The following MGA variants were observed in gnomAD, a reference collection of about 807,000 sequenced individuals.
MGA encodes the protein MAX gene-associated protein.
MGA carries 40 observed loss-of-function variants against 261.1 expected under a neutral mutation model. That is an observed-to-expected ratio of 0.15 (90% confidence interval 0.12 to 0.20). The LOEUF (loss-of-function observed/expected upper bound fraction) is 0.20, where lower values mean the gene tolerates loss of function less well. Ranked by LOEUF, MGA falls within the 10% of genes least tolerant of loss-of-function variation. The pLI is 1.00. For missense variants in MGA, 3,397 were observed against 3,630.5 expected, an observed-to-expected ratio of 0.94 and a Z score of 1.65; for synonymous variants, 1,302 against 1,290.6, an observed-to-expected ratio of 1.01 and a Z score of -0.19.
intron 8 of MGA, 76 bp from the exon 9 acceptor site, chr15:41,713,075 C>G: frequency 6.5e-7 from 1 of 1,548,172 alleles, no homozygotes; most frequent in South Asian, 1.2e-5. Flanking sequence ...GTAATGCAGT[C>G]CAGTATATGA....
chr15:41,674,816 C>T (rs2058289803), intron 2 of MGA, among the ~76,000 whole-genome samples: 1 of 152,234 alleles, frequency 6.6e-6, no homozygotes, highest in Non-Finnish European at 1.5e-5. Flanking sequence ...CGGCGCCCGG[C>T]CAATAGTGAA....
At chr15:41,642,313 T>G (rs2056837637) in intron 1 of MGA, among the ~76,000 whole-genome samples, 1 of 148,620 alleles carries the variant, frequency 6.7e-6, no homozygotes, top group African/African-American at 2.4e-5. Flanking sequence ...TTTGTGGTGT[T>G]TTTTTTTTTT....
intron 2 of MGA, among the ~76,000 whole-genome samples, chr15:41,679,646 TTTTG>T: frequency 6.6e-6 from 1 of 152,252 alleles, no homozygotes; most frequent in East Asian, 1.9e-4. Flanking sequence ...TACAATTGAT[TTTTG>T]TGTGTTGAGT....
chr15:41,743,513 T>C lies in MGA; in HGVS notation c.5212+341T>C, dbSNP rs1023953524. 2.0e-5 allele frequency among the ~76,000 whole-genome samples: 3 copies of C among 152,274 alleles called. No homozygotes were observed. In the South Asian group the frequency reaches 6.2e-4, roughly 32 times the overall value. Reference sequence around the variant, plus strand: ...TGCGACTCAAAATACTAAAAAACATTACAATGGAAGTGGTGGCTGAAGGAT... The same window carrying C: ...TGCGACTCAAAATACTAAAAAACATCACAATGGAAGTGGTGGCTGAAGGAT... On this transcript the variant is annotated intron_variant, in intron 15 of 23. Coordinates refer to ENST00000219905, the MANE Select transcript of MGA (RefSeq NM_001164273.2).
rs1341303669 is a variant in MGA, at chr15:41,769,841, C to T, written c.*2561C>T. ...ATATATATCTTTCCTTTTCTGCTTT[C>T]GAAAAGTGACTATTTTTTTAGAAAT... is the stretch of plus-strand genomic sequence containing the variant. On this transcript the variant is annotated 3_prime_UTR_variant, in exon 24 of 24. Transcript: ENST00000219905. 2 of 152,330 alleles carry T rather than the reference C, an allele frequency of 1.3e-5. No homozygotes were observed. The highest frequency in any genetic ancestry group is 4.8e-5 in the African/African-American group (2 of 41,332). The allele number at this position is 152,330 out of a possible 1,614,324, so 9.4% of individuals were successfully genotyped here.
intron 2 of MGA, among the ~76,000 whole-genome samples, chr15:41,680,642 A>G (rs1038436624): frequency 2.0e-5 from 3 of 152,218 alleles, no homozygotes; most frequent in Admixed American, 6.5e-5. Flanking sequence ...TGTAAAGAAT[A>G]CAAGTTAGGA....
intron 11 of MGA, among the ~76,000 whole-genome samples, chr15:41,730,235 C>T (rs1242098449): frequency 5.3e-5 from 8 of 152,102 alleles, no homozygotes; most frequent in African/African-American, 9.6e-5. Flanking sequence ...GTGGGCTGAT[C>T]GAGACTAGCC....
intron 1 of MGA, among the ~76,000 whole-genome samples, chr15:41,622,413 C>T (rs1774024401): frequency 6.6e-6 from 1 of 151,974 alleles, no homozygotes; most frequent in Non-Finnish European, 1.5e-5. Context: ...AAAAAAACCC[C>T]ACAGCCACTC....
intron 1 of MGA, among the ~76,000 whole-genome samples, chr15:41,630,754 C>T (rs2056571578): frequency 4.6e-5 from 7 of 152,122 alleles, no homozygotes; most frequent in South Asian, 2.1e-4. Context: ...TCTCAGTAGT[C>T]GGGAATTCTA....
intron 15 of MGA, among the ~76,000 whole-genome samples, chr15:41,745,366 GA>G (rs2062397874): frequency 7.7e-6 from 1 of 129,178 alleles, no homozygotes; most frequent in Non-Finnish European, 1.6e-5. Context: ...ACCCTATAAA[GA>G]AATACACTGG....
chr15:41,748,508 G>A (rs577062196), intron 15 of MGA, 129 bp from the exon 16 acceptor site: 1 of 1,006,356 alleles, frequency 9.9e-7, no homozygotes, highest in South Asian at 1.7e-5. Flanking sequence ...GTCAGTCGAG[G>A]TTGTGTCATT....
At chr15:41,645,402 T>C (rs746590572) in intron 1 of MGA, among the ~76,000 whole-genome samples, 1 of 152,190 alleles carries the variant, frequency 6.6e-6, no homozygotes, top group Non-Finnish European at 1.5e-5. Flanking sequence ...GCCTGGCCCA[T>C]GTGGTGAAAC....
At position 41,710,944 on chromosome 15, in the gene MGA, T is replaced by C. The variant is rs1337788721; in HGVS notation, c.2679T>C (p.Pro893=). Residue 893 remains proline (P), a synonymous_variant, in exon 8 of 24, where the codon CCT becomes CCC. Transcript: ENST00000219905. ...CTTTGAAACCTCATTCTGTACCCCC[T>C]GTCTCTCGAAAGGCAAAGTCTCAAA... The C allele has an allele frequency of 5.0e-6, 8 of 1,613,866 alleles. No individual in the cohort carries two copies. In the Admixed American group the frequency reaches 6.7e-5, roughly 13 times the overall value.
intron 1 of MGA, among the ~76,000 whole-genome samples, chr15:41,654,730 T>C (rs921253161): frequency 6.6e-6 from 1 of 152,158 alleles, no homozygotes; most frequent in Non-Finnish European, 1.5e-5. Context: ...TCCAGGCTGG[T>C]CTCAAACTCT....
rs1283884485 is a variant in MGA, at chr15:41,689,358, CCCTT to C, written c.1065-6712_1065-6709del. Reference sequence around the variant, plus strand: ...CCCTCTCTTCTCCCTCCTCCTTCCTCCCTTCCTTTCTCCCTTTCTCCTTCTCTCC... The same window carrying C: ...CCCTCTCTTCTCCCTCCTCCTTCCTCCCTTTCTCCCTTTCTCCTTCTCTCC... On this transcript the variant is annotated intron_variant, in intron 2 of 23. Coordinates refer to ENST00000219905, the MANE Select transcript of MGA (RefSeq NM_001164273.2). Among the ~76,000 whole-genome samples the C allele has an allele frequency of 2.0e-5, 3 of 150,890 alleles. No individual in the cohort carries two copies. In the East Asian group the frequency reaches 5.8e-4, roughly 29 times the overall value.
At chr15:41,643,805 G>T (rs536839032) in intron 1 of MGA, among the ~76,000 whole-genome samples, 10 of 140,558 alleles carry the variant, frequency 7.1e-5, no homozygotes, top group African/African-American at 2.4e-4. Context: ...TCACTAAGTC[G>T]CCTCCGCCCG....
intron 11 of MGA, among the ~76,000 whole-genome samples, chr15:41,733,278 T>C (rs1161986041): frequency 1.3e-5 from 2 of 151,968 alleles, no homozygotes; most frequent in Admixed American, 1.3e-4. Context: ...TTTCTTAACT[T>C]GCTTTCACTT....
rs1204528358 is a variant in MGA at position 41,725,834 on chromosome 15, C to CAA, written c.3431-1325_3431-1324dup. On this transcript the variant is annotated intron_variant, in intron 9 of 23. Coordinates refer to ENST00000219905, the MANE Select transcript of MGA (RefSeq NM_001164273.2). ...TGGGCGACAGAGCGAGACTCCGTCT[C>CAA]AAAAAAAAAAAAAAAAAAAAAATAA... is the stretch of plus-strand genomic sequence containing the variant. Among the ~76,000 whole-genome samples the CAA allele has an allele frequency of 6.7e-3, 60 of 8,998 alleles. 8 individuals carry two copies. The highest frequency in any genetic ancestry group is 0.01 in the Non-Finnish European group (50 of 4,978). The allele number at this position is 8,998 out of a possible 152,430, so 5.9% of individuals were successfully genotyped here. A position where few individuals can be genotyped will look rare whatever the true frequency, so the allele number is the denominator to read the frequency against.
rs777340954 is a variant in MGA at position 41,760,331 on chromosome 15, A to C, written c.7200A>C (p.Pro2400=). 1.2e-6 allele frequency: 2 copies of C among 1,613,994 alleles called. No homozygotes were observed. Among genetic ancestry groups the C allele is most frequent in the Admixed American group, 3.3e-5 (2 of 60,022 alleles). ...CAATCTTGTTTGGACAGGCTCCACC[A>C]ATTCCTCTAAAACTGAAGCCTGATT... The change falls in exon 20 of 24, where the codon CCA becomes CCC. Residue 2400 remains proline, a synonymous_variant. Transcript: ENST00000219905.
Sources: gnomAD v4.1 joint callset for allele counts (sites outside exome capture counted in the v4.1 genomes callset) on GRCh38, gnomAD v4.1.1 for gene constraint, MANE v1.5 for transcripts, NCBI Gene and HGNC (gene_info 2026-07-23, HGNC 2026-07-21) for gene names.